TANC1: variants seen among roughly 807,000 people sequenced by gnomAD.
The protein encoded by TANC1 is tetratricopeptide repeat, ankyrin repeat and coiled-coil containing 1.
Under a neutral mutation model 149.7 loss-of-function variants are expected in TANC1, and 77 were observed. That is an observed-to-expected ratio of 0.51 (90% CI 0.43 to 0.62). The LOEUF (loss-of-function observed/expected upper bound fraction) is 0.62, where lower values mean the gene tolerates loss of function less well. Ranked by LOEUF, TANC1 falls within the 20% of genes least tolerant of loss-of-function variation. TANC1 has a pLI of 0.00. For missense variants in TANC1, 1,985 were observed against 2,321.8 expected, an observed-to-expected ratio of 0.85 and a Z score of 2.98; for synonymous variants, 854 against 925.0, an observed-to-expected ratio of 0.92 and a Z score of 1.39.
chr2:159,168,141 A>C (rs1220579815), intron 8 of TANC1, among the ~76,000 whole-genome samples: 1 of 152,206 alleles, frequency 6.6e-6, no homozygotes, highest in Non-Finnish European at 1.5e-5. Flanking sequence ...AAATTAGGTT[A>C]ATTTTAGATT....
chr2:159,000,626 G>A (rs1033430260), intron 1 of TANC1, among the ~76,000 whole-genome samples: 2 of 151,996 alleles, frequency 1.3e-5, no homozygotes, highest in Non-Finnish European at 2.9e-5. Context: ...TTGAGGGTGC[G>A]GCAAGGGGGT....
At chr2:159,050,039 A>G (rs2041353876) in intron 2 of TANC1, among the ~76,000 whole-genome samples, 1 of 152,154 alleles carries the variant, frequency 6.6e-6, no homozygotes, top group South Asian at 2.1e-4. Flanking sequence ...CTGATATGGG[A>G]TTGGGTGCTT....
chr2:159,116,463 A>C (rs1038967997), intron 4 of TANC1, among the ~76,000 whole-genome samples: 2 of 143,544 alleles, frequency 1.4e-5, no homozygotes, highest in South Asian at 2.2e-4. Flanking sequence ...ACAAAAAAAA[A>C]AAAACAAAGG....
Position 159,179,062 on chromosome 2 carries a change from T to C in TANC1, c.2409T>C (p.Ile803=), listed in dbSNP as rs1298917207. 1.9e-6 allele frequency: 3 copies of C among 1,613,586 alleles called. No homozygotes were observed. The highest frequency in any genetic ancestry group is 1.7e-5 in the Admixed American group (1 of 59,958). Residue 803 remains isoleucine, a synonymous_variant, in exon 14 of 27, where the codon ATT becomes ATC. Coordinates refer to ENST00000263635, the MANE Select transcript of TANC1 (RefSeq NM_033394.3). Reference sequence around the variant, plus strand: ...TGGACGCCCTCTCCTGCTTCCTCATTAAGAGGCGAGACAAAACCCGCATGT... The same window carrying C: ...TGGACGCCCTCTCCTGCTTCCTCATCAAGAGGCGAGACAAAACCCGCATGT... ...QRMDALSCFL[I]KRRDKTRMFC...
In TANC1 at chr2:159,149,135, G is replaced by C. The variant is rs1574968074; in HGVS notation, c.365-7G>C. On this transcript the variant is annotated splice_region_variant and splice_polypyrimidine_tract_variant and intron_variant, in intron 5 of 26. Coordinates refer to ENST00000263635, the MANE Select transcript of TANC1 (RefSeq NM_033394.3). ...GGCATCTTCATTGTTTTCTTTCTTT[G>C]TTCCAGAAGCAAAGGCCGATAATGA... The C allele has an allele frequency of 2.5e-6, 4 of 1,571,346 alleles. No individual in the cohort carries two copies. Among genetic ancestry groups the C allele is most frequent in the African/African-American group, 2.7e-5 (2 of 73,440 alleles).
At chr2:159,169,151 G>C in intron 8 of TANC1, 99 bp from the exon 9 acceptor site, 1 of 885,070 alleles carries the variant, frequency 1.1e-6, no homozygotes, top group Non-Finnish European at 1.7e-6. Context: ...TTTGTTGAAA[G>C]CCTGAACTGA....
chr2:159,170,017 G>A (rs572707754), intron 9 of TANC1, among the ~76,000 whole-genome samples: 1 of 151,910 alleles, frequency 6.6e-6, no homozygotes, highest in East Asian at 1.9e-4. Context: ...CACTTGGACT[G>A]TATTGGCCAT....
chr2:159,207,640 A>G (rs1398333023), intron 19 of TANC1, among the ~76,000 whole-genome samples: 1 of 129,642 alleles, frequency 7.7e-6, no homozygotes, highest in Admixed American at 9.9e-5. Flanking sequence ...CAGAGGTTGC[A>G]GTGAGCCGAG....
chr2:159,194,780 T>A (rs2057729431), intron 17 of TANC1, among the ~76,000 whole-genome samples: 1 of 152,242 alleles, frequency 6.6e-6, no homozygotes, highest in African/African-American at 2.4e-5. Flanking sequence ...CCTGCAAGTA[T>A]CGATCTAGAA....
At chr2:159,071,842 G>A (rs1466384524) in intron 3 of TANC1, among the ~76,000 whole-genome samples, 1 of 152,154 alleles carries the variant, frequency 6.6e-6, no homozygotes, top group Non-Finnish European at 1.5e-5. Context: ...TTCTCCAAAA[G>A]TGTTTCCCAA....
intron 14 of TANC1, among the ~76,000 whole-genome samples, chr2:159,181,595 C>G (rs1206743596): frequency 1.3e-5 from 2 of 152,236 alleles, no homozygotes; most frequent in Non-Finnish European, 2.9e-5. Flanking sequence ...CTGCGCCCGG[C>G]CCCCTCGTTA....
At chr2:159,046,972 C>T (rs2149566073) in intron 2 of TANC1, among the ~76,000 whole-genome samples, 1 of 152,148 alleles carries the variant, frequency 6.6e-6, no homozygotes, top group East Asian at 1.9e-4. Flanking sequence ...GCTGTATCTG[C>T]CCTTATGTTC....
chr2:159,094,468 G>A (rs1439670832), intron 3 of TANC1, among the ~76,000 whole-genome samples: 6 of 152,154 alleles, frequency 3.9e-5, no homozygotes, highest in African/African-American at 1.2e-4. Context: ...GAGTGAGGTG[G>A]TGATGAGAAA....
At chr2:159,068,489 A>G (rs948697515) in intron 3 of TANC1, among the ~76,000 whole-genome samples, 7 of 152,172 alleles carry the variant, frequency 4.6e-5, no homozygotes, top group Non-Finnish European at 8.8e-5. Context: ...TTTGCAGGCA[A>G]TCTTTTACTA....
At chr2:159,191,608 G>A (rs991618630) in intron 16 of TANC1, among the ~76,000 whole-genome samples, 1 of 152,132 alleles carries the variant, frequency 6.6e-6, no homozygotes, top group East Asian at 1.9e-4. Context: ...TATCACAGAG[G>A]TTCAAGCTTC....
At chr2:159,102,122 C>T (rs1219961485) in intron 4 of TANC1, among the ~76,000 whole-genome samples, 2 of 152,144 alleles carry the variant, frequency 1.3e-5, no homozygotes. Flanking sequence ...GGCACTCCCT[C>T]CCCCAACCCG....
At chr2:159,095,776 T>TA (rs1212072154) in intron 3 of TANC1, among the ~76,000 whole-genome samples, 2 of 149,664 alleles carry the variant, frequency 1.3e-5, no homozygotes, top group Admixed American at 1.3e-4. Flanking sequence ...GTACCTGTCC[T>TA]ATATGTCTCA....
intron 2 of TANC1, among the ~76,000 whole-genome samples, chr2:159,040,546 C>G (rs2040547404): frequency 6.6e-6 from 1 of 152,312 alleles, no homozygotes; most frequent in Admixed American, 6.5e-5. Flanking sequence ...TCCACTTGAT[C>G]AAATTGGCTA....
intron 17 of TANC1, 135 bp from the exon 18 acceptor site, chr2:159,196,473 C>T (rs887013601): frequency 1.5e-6 from 1 of 674,808 alleles, no homozygotes; most frequent in Non-Finnish European, 2.4e-6. Context: ...TCCATGTTCT[C>T]CAGAAAGACA....
Sources: allele counts gnomAD v4.1 joint callset (sites outside exome capture counted in the v4.1 genomes callset), GRCh38; gene constraint gnomAD v4.1.1; transcripts MANE v1.5; gene names NCBI Gene and HGNC (gene_info 2026-07-23, HGNC 2026-07-21).